SIDT1: variants seen among roughly 807,000 people sequenced by gnomAD.
SIDT1 encodes the protein SID1 transmembrane family, member 1.
A neutral mutation model predicts 107.5 loss-of-function variants in SIDT1; 101 were observed. The observed-to-expected ratio is 0.94, with a 90% confidence interval of 0.80 to 1.11. The LOEUF is 1.11. SIDT1 is among the 50% of genes least tolerant of loss of function. The pLI is 0.00. For missense variants in SIDT1, 1,076 were observed against 1,058.2 expected, an observed-to-expected ratio of 1.02 and a Z score of -0.23; for synonymous variants, 395 against 398.2, an observed-to-expected ratio of 0.99 and a Z score of 0.10.
chr3:113,610,927 G>A, intron 17 of SIDT1, 81 bp from the exon 18 acceptor site: 1 of 1,528,182 alleles, frequency 6.5e-7, no homozygotes, highest in Non-Finnish European at 8.9e-7. Context: ...GGTACTCAGA[G>A]TCTGAAGAAA....
At chr3:113,623,766 C>G in intron 23 of SIDT1, 33 bp downstream of exon 23, 1 of 1,466,024 alleles carries the variant, frequency 6.8e-7, no homozygotes, top group Non-Finnish European at 9.5e-7. Context: ...CAAAAACAAC[C>G]TCTCTCTCCA....
intron 1 of SIDT1, among the ~76,000 whole-genome samples, chr3:113,557,765 G>T (rs1941032670): frequency 6.6e-6 from 1 of 152,176 alleles, no homozygotes; most frequent in South Asian, 2.1e-4. Context: ...CACCTACTTT[G>T]TGGTACCTTG....
chr3:113,574,425 G>T (rs1942736891), intron 3 of SIDT1, among the ~76,000 whole-genome samples: 1 of 152,158 alleles, frequency 6.6e-6, no homozygotes, highest in Admixed American at 6.6e-5. Flanking sequence ...ACAAACAAAG[G>T]AGGGGCTTTG....
Position 113,627,725 on chromosome 3 carries a change from G to C in SIDT1, c.*17G>C, listed in dbSNP as rs41271373. 5,837 of 1,611,890 alleles carry C rather than the reference G, an allele frequency of 3.6e-3. 27 individuals carry two copies. The highest frequency in any genetic ancestry group is 8.7e-3 in the South Asian group (793 of 90,980). On this transcript the variant is annotated 3_prime_UTR_variant, in exon 25 of 25. Coordinates refer to ENST00000264852, the MANE Select transcript of SIDT1 (RefSeq NM_017699.3). ...GTCTTCTGAACCTCCAACATTAAGA[G>C]AGGGGAGGGAGCGATCAATCTTGGT...
At chr3:113,621,918 G>A (rs1421261164) in intron 21 of SIDT1, among the ~76,000 whole-genome samples, 1 of 152,142 alleles carries the variant, frequency 6.6e-6, no homozygotes, top group East Asian at 1.9e-4. Flanking sequence ...TTGAAATGTG[G>A]CTAGTGTGAC....
chr3:113,593,628 A>T (rs1023077206), intron 10 of SIDT1, among the ~76,000 whole-genome samples: 2 of 152,204 alleles, frequency 1.3e-5, no homozygotes, highest in South Asian at 4.1e-4. Flanking sequence ...TTGGTCAGCC[A>T]TTCATCTTTT....
downstream of SIDT1, among the ~76,000 whole-genome samples, chr3:113,632,541 G>A (rs1947100855): frequency 6.6e-6 from 1 of 152,132 alleles, no homozygotes; most frequent in African/African-American, 2.4e-5. Context: ...GAAGTAATAA[G>A]CTTTTTGAGG....
Position 113,623,451 on chromosome 3 carries a change from C to T in SIDT1, c.2115C>T (p.Arg705=). ...WSFALFGLIY[R]PRDFASYMLG... Reference sequence around the variant, plus strand: ...GCGCCCTCTTTGGATTGATATACCGCCCCAGGGACTTTGCTTCCTACATGC... The same window carrying T: ...GCGCCCTCTTTGGATTGATATACCGTCCCAGGGACTTTGCTTCCTACATGC... Residue 705 remains arginine (R), a synonymous_variant, in exon 22 of 25, where the codon CGC becomes CGT. Transcript: ENST00000264852. The T allele has an allele frequency of 6.2e-7, 1 of 1,613,960 alleles. No homozygotes were observed. Among genetic ancestry groups the T allele is most frequent in the Non-Finnish European group, 8.5e-7 (1 of 1,179,834 alleles).
intron 23 of SIDT1, among the ~76,000 whole-genome samples, chr3:113,624,471 G>A (rs1373695333): frequency 1.3e-5 from 2 of 152,148 alleles, no homozygotes; most frequent in Non-Finnish European, 2.9e-5. Flanking sequence ...CCGTTGTACT[G>A]ATATATCACA....
chr3:113,534,579 C>T (rs1223442541), intron 1 of SIDT1, among the ~76,000 whole-genome samples: 1 of 152,170 alleles, frequency 6.6e-6, no homozygotes, highest in East Asian at 1.9e-4. Flanking sequence ...CGCCATATAC[C>T]CAGCCTCTTT....
chr3:113,566,359 T>G (rs1250439991), intron 1 of SIDT1, 61 bp from the exon 2 acceptor site: 1 of 1,524,360 alleles, frequency 6.6e-7, no homozygotes, highest in Non-Finnish European at 9.0e-7. Flanking sequence ...TGTGTGTGTG[T>G]GTGTGTTTGC....
At chr3:113,634,103 G>A (rs1392015021), downstream of SIDT1, among the ~76,000 whole-genome samples, 2 of 152,140 alleles carry the variant, frequency 1.3e-5, no homozygotes, top group Non-Finnish European at 2.9e-5. Flanking sequence ...TTTAATCTCA[G>A]CAGAAAACAG....
chr3:113,635,729 T>C, the SIDT1 span, among the ~76,000 whole-genome samples: 2 of 151,490 alleles, frequency 1.3e-5, no homozygotes, highest in African/African-American at 4.9e-5. Flanking sequence ...TAGCCAGGCG[T>C]GGTGGCAGGT....
chr3:113,613,578 T>TC (rs2107744956), intron 19 of SIDT1, among the ~76,000 whole-genome samples: 1 of 152,250 alleles, frequency 6.6e-6, no homozygotes, highest in East Asian at 1.9e-4. Context: ...TACCTCCAAA[T>TC]CCCCCAGTTA....
intron 3 of SIDT1, among the ~76,000 whole-genome samples, chr3:113,570,184 C>G (rs971090382): frequency 1.2e-4 from 18 of 152,180 alleles, no homozygotes; most frequent in Non-Finnish European, 2.4e-4. Context: ...GTATTACAGG[C>G]ATGAGCAACT....
In SIDT1 at chr3:113,607,133, T is replaced by C; in HGVS notation, c.1478+19T>C. 1.3e-6 allele frequency: 2 copies of C among 1,559,378 alleles called. No homozygotes were observed. Among genetic ancestry groups the C allele is most frequent in the Admixed American group, 1.7e-5 (1 of 59,818 alleles). On this transcript the variant is annotated intron_variant, in intron 15 of 24. Coordinates refer to ENST00000264852, the MANE Select transcript of SIDT1 (RefSeq NM_017699.3). ...TCCTGAGGTAAACCCAGTCCTCTGG[T>C]TGCCCATGAGGCATTTAGAGATGCC...
At chr3:113,572,485 A>T (rs1942547125) in intron 3 of SIDT1, among the ~76,000 whole-genome samples, 1 of 152,334 alleles carries the variant, frequency 6.6e-6, no homozygotes, top group East Asian at 1.9e-4. Context: ...CTTTCAGATT[A>T]TGGGAGCCAT....
chr3:113,597,416 G>C (rs111970808), intron 10 of SIDT1, among the ~76,000 whole-genome samples: 2 of 146,308 alleles, frequency 1.4e-5, no homozygotes, highest in Non-Finnish European at 3.0e-5. Flanking sequence ...GGAATCACTT[G>C]AACCCGGGAG....
intron 7 of SIDT1, among the ~76,000 whole-genome samples, chr3:113,583,826 A>G (rs1261467650): frequency 6.6e-6 from 1 of 152,214 alleles, no homozygotes; most frequent in Admixed American, 6.5e-5. Flanking sequence ...CACAGCGATC[A>G]AAGTCCATTT....
Sources: allele counts gnomAD v4.1 joint callset (sites outside exome capture counted in the v4.1 genomes callset), GRCh38; gene constraint gnomAD v4.1.1; transcripts MANE v1.5; gene names NCBI Gene and HGNC (gene_info 2026-07-23, HGNC 2026-07-21).